C10orf67: variants seen among roughly 807,000 people sequenced by gnomAD.
The protein encoded by C10orf67 is uncharacterized protein C10orf67, mitochondrial.
C10orf67 carries 60 observed loss-of-function variants against 35.6 expected under a neutral mutation model. That is an observed-to-expected ratio of 1.68 (90% CI 1.37 to 2.09). The LOEUF (loss-of-function observed/expected upper bound fraction) is 2.09, where lower values mean the gene tolerates loss of function less well. Ranked by LOEUF, C10orf67 falls within the 30% of genes most tolerant of loss-of-function variation. The pLI is 0.00. For synonymous variants in C10orf67, 167 were observed against 115.8 expected (o/e 1.44, Z -2.84); for missense variants, 474 against 330.2 (o/e 1.44, Z -3.38).
Position 23,218,974 on chromosome 10 carries a change from G to A in C10orf67, c.1570+4624C>T, listed in dbSNP as rs143330642. On this transcript the variant is annotated intron_variant, in intron 15 of 15. Transcript: ENST00000636213. ...TTAACTAACTTACAATTTCTTACGT[G>A]ATTTTAAAACTTGTTTTTCTATTTA... is the stretch of plus-strand genomic sequence containing the variant. Among the ~76,000 whole-genome samples, 4 of 152,250 alleles carry A rather than the reference G, an allele frequency of 2.6e-5. No individual in the cohort carries two copies. In the East Asian group the frequency reaches 7.7e-4, roughly 29 times the overall value.
chr10:23,257,364 C>A (rs1462133164), intron 10 of C10orf67, among the ~76,000 whole-genome samples: 1 of 152,200 alleles, frequency 6.6e-6, no homozygotes, highest in African/African-American at 2.4e-5. Context: ...CAGTGCACTA[C>A]TGAGGCATGG....
intron 8 of C10orf67, among the ~76,000 whole-genome samples, chr10:23,267,692 G>C (rs1842920176): frequency 6.6e-6 from 1 of 152,140 alleles, no homozygotes; most frequent in Admixed American, 6.5e-5. Context: ...ATCACCTGAG[G>C]TCAGGAGTTC....
intron 4 of C10orf67, among the ~76,000 whole-genome samples, chr10:23,312,421 T>C (rs1030106055): frequency 1.3e-5 from 2 of 152,210 alleles, no homozygotes; most frequent in African/African-American, 4.8e-5. Context: ...ATTTCCTTGC[T>C]TCAGTTACGA....
rs1480792377 is a variant in C10orf67, at chr10:23,203,833, CT to C, written c.*339del. 3 of 188,890 alleles carry C rather than the reference CT, an allele frequency of 1.6e-5. No individual in the cohort carries two copies. The highest frequency in any genetic ancestry group is 3.2e-5 in the Non-Finnish European group (3 of 93,056). 11.7% of individuals were successfully genotyped at this position (188,890 alleles called of 1,614,324 possible). On this transcript the variant is annotated 3_prime_UTR_variant, in exon 16 of 16. Coordinates refer to ENST00000636213, the MANE Select transcript of C10orf67 (RefSeq NM_001371909.1). ...AGACTGGATTAGAGAGGGAGTCAAA[CT>C]TTTTAATTAAAGTCCGTCCCTTCCC...
rs1255061745 is a variant in C10orf67 at position 23,337,297 on chromosome 10, G to A, written c.207-4115C>T. Among the ~76,000 whole-genome samples the A allele has an allele frequency of 5.3e-5, 8 of 152,340 alleles. No homozygotes were observed. In the East Asian group the frequency reaches 1.5e-3, roughly 29 times the overall value. On this transcript the variant is annotated intron_variant, in intron 1 of 15. Coordinates refer to ENST00000636213, the MANE Select transcript of C10orf67 (RefSeq NM_001371909.1). ...ACCTGTAACCTCAGCACTTTGGGAG[G>A]CTGAGGTGGGTGGGTCACTTGAGCT...
Position 23,223,809 on chromosome 10 carries a change from G to T in C10orf67, c.1444C>A (p.Pro482Thr), listed in dbSNP as rs1371386385. The change falls in exon 14 of 16, where the codon CCC becomes ACC. Residue 482 changes from proline (P) to threonine (T), a missense_variant. Pro to Thr is a conservative substitution (Grantham distance 38). Transcript: ENST00000636213. ...GTCGTTCTAGACTGCACTAATAAGG[G>T]TTTTACTTTCTGAAAGACACAAAAG... ...DTSFNYIKVK[P>T]LLVQSRTTMT... 1.4e-6 allele frequency: 1 copy of T among 715,150 alleles called. No homozygotes were observed. The highest frequency in any genetic ancestry group is 2.0e-5 in the Admixed American group (1 of 50,010). 44.3% of individuals were successfully genotyped at this position (715,150 alleles called of 1,614,324 possible).
chr10:23,327,372 C>T (rs559057582), intron 2 of C10orf67, among the ~76,000 whole-genome samples: 4 of 152,094 alleles, frequency 2.6e-5, no homozygotes, highest in African/African-American at 9.6e-5. Context: ...AGACACAACA[C>T]AGAAATAATG....
At chr10:23,337,189 A>G (rs1222688864) in intron 1 of C10orf67, among the ~76,000 whole-genome samples, 1 of 152,212 alleles carries the variant, frequency 6.6e-6, no homozygotes, top group East Asian at 1.9e-4. Context: ...TAAATATAGA[A>G]AAAAAGCAGA....
chr10:23,226,346 A>G (rs557808122), intron 13 of C10orf67, among the ~76,000 whole-genome samples: 1 of 152,338 alleles, frequency 6.6e-6, no homozygotes, highest in East Asian at 1.9e-4. Context: ...ACTACTGGGT[A>G]CATAACAAAA....
intron 8 of C10orf67, among the ~76,000 whole-genome samples, chr10:23,276,482 T>C (rs1233577414): frequency 1.3e-5 from 2 of 152,086 alleles, no homozygotes; most frequent in African/African-American, 4.8e-5. Context: ...CCAACTTCCC[T>C]ATAAATATAT....
intron 10 of C10orf67, among the ~76,000 whole-genome samples, chr10:23,260,954 A>T (rs371400404): frequency 3.9e-5 from 6 of 152,224 alleles, no homozygotes; most frequent in African/African-American, 7.2e-5. Flanking sequence ...GAAATCTTAT[A>T]AATTGTAATT....
chr10:23,244,527 A>G (rs1000662054), intron 12 of C10orf67, among the ~76,000 whole-genome samples: 1 of 152,198 alleles, frequency 6.6e-6, no homozygotes, highest in African/African-American at 2.4e-5. Context: ...CAAAATAAAC[A>G]TACAAAAATC....
At chr10:23,330,294 C>A (rs1845396488) in intron 2 of C10orf67, among the ~76,000 whole-genome samples, 2 of 151,572 alleles carry the variant, frequency 1.3e-5, no homozygotes, top group African/African-American at 4.9e-5. Flanking sequence ...TCTGTCTCTA[C>A]AAAAAAATAG....
At chr10:23,339,122 C>T (rs1386958615) in intron 1 of C10orf67, among the ~76,000 whole-genome samples, 1 of 152,104 alleles carries the variant, frequency 6.6e-6, no homozygotes, top group Non-Finnish European at 1.5e-5. Flanking sequence ...AGTCTTAGTT[C>T]ACAAGGGAAG....
rs1256025245 is a variant in C10orf67 at position 23,289,906 on chromosome 10, A to T, written c.903T>A (p.Ile301=). ...ACGTAAAACGTTATAGTACCTTTTG[A>T]ATAGTTTTGTGATCCTTTTCTGCCA... ...KEMAEKDHKT[I]QKLMDSRDRL... The change falls in exon 7 of 16, where the codon ATT becomes ATA. Residue 301 remains isoleucine, a synonymous_variant. Transcript: ENST00000636213. The T allele has an allele frequency of 2.8e-6, 2 of 716,812 alleles. No individual in the cohort carries two copies. The highest frequency in any genetic ancestry group is 5.2e-6 in the Non-Finnish European group (2 of 384,856). The allele number at this position is 716,812 out of a possible 1,614,324, so 44.4% of individuals were successfully genotyped here.
chr10:23,294,155 A>G (rs1388330803), intron 5 of C10orf67, among the ~76,000 whole-genome samples: 2 of 152,128 alleles, frequency 1.3e-5, no homozygotes. Context: ...CCAATGAGTG[A>G]CAACCAGGAA....
At position 23,287,897 on chromosome 10, in the gene C10orf67, T is replaced by C. The variant is rs12248799; in HGVS notation, c.909+2003A>G. Among the ~76,000 whole-genome samples, 1,072 of 152,170 alleles carry C rather than the reference T, an allele frequency of 7.0e-3. 13 individuals are homozygous for C. The highest frequency in any genetic ancestry group is 0.025 in the African/African-American group (1,020 of 41,530). On this transcript the variant is annotated intron_variant, in intron 7 of 15. Transcript: ENST00000636213. ...TCAACATCACTGATCATCAGAGAAATGCAAATCAAAACCACAATGAGATAC... is the reference window on the plus strand; with the variant it reads ...TCAACATCACTGATCATCAGAGAAACGCAAATCAAAACCACAATGAGATAC...
chr10:23,232,479 A>T (rs1682731220), intron 13 of C10orf67, among the ~76,000 whole-genome samples: 1 of 152,260 alleles, frequency 6.6e-6, no homozygotes, highest in Admixed American at 6.5e-5. Context: ...ATGTAGAGCA[A>T]TGTTCCCTGG....
At chr10:23,251,082 A>T (rs938296262) in intron 10 of C10orf67, among the ~76,000 whole-genome samples, 9 of 152,140 alleles carry the variant, frequency 5.9e-5, no homozygotes, top group Non-Finnish European at 1.3e-4. Flanking sequence ...GGATGACAGA[A>T]CGAGACCCTG....
Sources: allele counts gnomAD v4.1 joint callset (sites outside exome capture counted in the v4.1 genomes callset), GRCh38; gene constraint gnomAD v4.1.1; transcripts MANE v1.5; gene names NCBI Gene and HGNC (gene_info 2026-07-23, HGNC 2026-07-21).